The following SH3BGRL variants were observed in gnomAD, a reference collection of about 807,000 sequenced individuals.
SH3BGRL encodes the protein SH3 domain binding glutamate rich protein like, also known as adapter SH3BGRL.
Under a neutral mutation model 9.8 loss-of-function variants are expected in SH3BGRL, and 7 were observed. That is an observed-to-expected ratio of 0.72 (90% CI 0.41 to 1.35). SH3BGRL has a LOEUF of 1.35. Ranked by LOEUF, SH3BGRL falls within the 40% of genes most tolerant of loss-of-function variation. The pLI is 0.01. For synonymous variants in SH3BGRL, 36 were observed against 29.1 expected (o/e 1.24, Z -0.76); for missense variants, 73 against 84.4 (o/e 0.86, Z 0.53).
intron 1 of SH3BGRL, among the ~76,000 whole-genome samples, chrX:81,208,463 A>T (rs1365547073): frequency 1.2e-4 from 14 of 112,168 alleles, no homozygotes. Flanking sequence ...TATGAAATAT[A>T]TATTGTGCAA....
At chrX:81,283,697 C>T (rs1360640834) in intron 3 of SH3BGRL, among the ~76,000 whole-genome samples, 2 of 111,334 alleles carry the variant, frequency 1.8e-5, no homozygotes, top group Non-Finnish European at 3.8e-5. Flanking sequence ...CTATGACAAA[C>T]CCACAGCCAA....
chrX:81,283,555 TA>T (rs1053168898), intron 3 of SH3BGRL, among the ~76,000 whole-genome samples: 9 of 111,230 alleles, frequency 8.1e-5, no homozygotes, highest in African/African-American at 2.9e-4. Context: ...TAAACAGAAT[TA>T]AAAACAAAAG....
intron 3 of SH3BGRL, among the ~76,000 whole-genome samples, chrX:81,285,372 C>T (rs150754908): frequency 9.9e-5 from 11 of 111,629 alleles, no homozygotes; most frequent in East Asian, 2.8e-4. Flanking sequence ...TGCTATAATA[C>T]GTTACTGATG....
intron 3 of SH3BGRL, among the ~76,000 whole-genome samples, chrX:81,288,169 C>G (rs1405250294): frequency 8.9e-6 from 1 of 111,906 alleles, no homozygotes; most frequent in Non-Finnish European, 1.9e-5. Context: ...ATTATATCAA[C>G]AGAATGAAGG....
At chrX:81,281,549 A>T (rs1359882649) in intron 3 of SH3BGRL, among the ~76,000 whole-genome samples, 1 of 112,166 alleles carries the variant, frequency 8.9e-6, no homozygotes, top group African/African-American at 3.2e-5. Context: ...TCAGCCAACA[A>T]TTTTGTATCC....
intron 3 of SH3BGRL, among the ~76,000 whole-genome samples, chrX:81,279,312 C>T (rs1161650352): frequency 9.0e-6 from 1 of 111,347 alleles, no homozygotes; most frequent in Non-Finnish European, 1.9e-5. Context: ...TGAGGTAAGG[C>T]ACTTTTCTTT....
At chrX:81,297,173 T>C (rs765235094) in intron 3 of SH3BGRL, 22 bp from the exon 4 acceptor site, 1 of 1,197,094 alleles carries the variant, frequency 8.4e-7, no homozygotes. Flanking sequence ...AACTTATCTG[T>C]TTTGTTTGTT....
chrX:81,227,298 A>G (rs2075620113), intron 1 of SH3BGRL, among the ~76,000 whole-genome samples: 1 of 112,491 alleles, frequency 8.9e-6, no homozygotes, highest in African/African-American at 3.2e-5. Flanking sequence ...TTTGATCTAC[A>G]GAAGATTTCC....
chrX:81,229,653 G>T (rs1013286846), intron 1 of SH3BGRL, among the ~76,000 whole-genome samples: 5 of 111,413 alleles, frequency 4.5e-5, no homozygotes, highest in Non-Finnish European at 9.4e-5. Context: ...TTGGTGGCTT[G>T]CCAGTGACTG....
At chrX:81,259,467 C>T (rs1343716999) in intron 1 of SH3BGRL, among the ~76,000 whole-genome samples, 1 of 111,902 alleles carries the variant, frequency 8.9e-6, no homozygotes, top group African/African-American at 3.2e-5. Flanking sequence ...GAAATCTATG[C>T]AGAAACTCAC....
intron 1 of SH3BGRL, among the ~76,000 whole-genome samples, chrX:81,208,735 A>G (rs1361147592): frequency 9.0e-6 from 1 of 111,551 alleles, no homozygotes; most frequent in Non-Finnish European, 1.9e-5. Flanking sequence ...ATTTATGATG[A>G]CTGTTTTCAT....
rs770730781 is a variant in SH3BGRL at position 81,263,115 on chromosome X, G to A, written c.46-13869G>A. Among the ~76,000 whole-genome samples, 7 of 109,936 alleles carry A rather than the reference G, an allele frequency of 6.4e-5. No homozygotes were observed. In the South Asian group the frequency reaches 2.7e-3, roughly 43 times the overall value. ...AGAGTAGACCTGGAAGAATAGATTAGAATGGCATCAGTGGAGAGAGGGGAG... is the reference window on the plus strand; with the variant it reads ...AGAGTAGACCTGGAAGAATAGATTAAAATGGCATCAGTGGAGAGAGGGGAG... On this transcript the variant is annotated intron_variant, in intron 1 of 3. Coordinates refer to ENST00000373212, the MANE Select transcript of SH3BGRL (RefSeq NM_003022.3).
intron 1 of SH3BGRL, among the ~76,000 whole-genome samples, chrX:81,231,024 T>TAAAA (rs1171472846): frequency 8.9e-6 from 1 of 112,382 alleles, no homozygotes; most frequent in Non-Finnish European, 1.9e-5. Flanking sequence ...TGTTGATATG[T>TAAAA]AAAAGTAAGG....
At chrX:81,288,253 G>T (rs1200492210) in intron 3 of SH3BGRL, among the ~76,000 whole-genome samples, 1 of 111,807 alleles carries the variant, frequency 8.9e-6, no homozygotes, top group Non-Finnish European at 1.9e-5. Context: ...TAAGATAAAA[G>T]CCATCAAAAA....
intron 3 of SH3BGRL, among the ~76,000 whole-genome samples, chrX:81,278,744 A>G (rs2075806537): frequency 8.9e-6 from 1 of 112,115 alleles, no homozygotes. Flanking sequence ...CTACATCGAC[A>G]GTAAGCATCT....
Position 81,278,366 on chromosome X carries a change from T to G in SH3BGRL, c.267T>G (p.Asn89Lys), listed in dbSNP as rs1184626658. Residue 89 changes from asparagine (N) to lysine (K), a missense_variant, in exon 3 of 4, where the codon AAT becomes AAG. Asn to Lys is a moderately conservative substitution (Grantham distance 94, BLOSUM62 0). Transcript: ENST00000373212. ...CCTTCTTTGAAGCCAGAGAAAATAA[T>G]GCAGTGTATGCCTTCTTAGGCTTGA... is the stretch of plus-strand genomic sequence containing the variant. The part of the protein sequence containing the change: ...YDAFFEAREN[N>K]AVYAFLGLTA... 1 of 1,199,533 alleles carries G rather than the reference T, an allele frequency of 8.3e-7. No homozygotes were observed. Among genetic ancestry groups the G allele is most frequent in the Non-Finnish European group, 1.1e-6 (1 of 887,742 alleles).
intron 1 of SH3BGRL, among the ~76,000 whole-genome samples, chrX:81,259,971 T>G (rs2075736299): frequency 8.9e-6 from 1 of 111,900 alleles, no homozygotes; most frequent in Non-Finnish European, 1.9e-5. Context: ...GAGGCTTTTA[T>G]TGCTGCTGGC....
intron 1 of SH3BGRL, among the ~76,000 whole-genome samples, chrX:81,211,429 CAA>C (rs961012980): frequency 4.5e-5 from 5 of 110,475 alleles, no homozygotes; most frequent in East Asian, 2.8e-4. Context: ...ACTGAAAATA[CAA>C]AAAAAATTAG....
chrX:81,269,441 G>A (rs1340146255), intron 1 of SH3BGRL, among the ~76,000 whole-genome samples: 1 of 111,581 alleles, frequency 9.0e-6, no homozygotes, highest in Non-Finnish European at 1.9e-5. Flanking sequence ...GCATTTGCTT[G>A]TCTGTAAACT....
Sources: gnomAD v4.1 joint callset for allele counts (sites outside exome capture counted in the v4.1 genomes callset) on GRCh38, gnomAD v4.1.1 for gene constraint, MANE v1.5 for transcripts, NCBI Gene and HGNC (gene_info 2026-07-23, HGNC 2026-07-21) for gene names.